The following GRB10 variants were observed in gnomAD, a reference collection of about 807,000 sequenced individuals.
GRB10 encodes the protein growth factor receptor bound protein 10.
GRB10 carries 20 observed loss-of-function variants against 80.9 expected under a neutral mutation model. That is an observed-to-expected ratio of 0.25 (90% CI 0.17 to 0.36). The LOEUF (loss-of-function observed/expected upper bound fraction) is 0.36, where lower values mean the gene tolerates loss of function less well. Ranked by LOEUF, GRB10 falls within the 10% of genes least tolerant of loss-of-function variation. GRB10 has a pLI of 1.00. For synonymous variants in GRB10, 291 were observed against 291.5 expected, an observed-to-expected ratio of 1.00 and a Z score of 0.02; for missense variants, 548 against 747.7, an observed-to-expected ratio of 0.73 and a Z score of 3.12.
intron 5 of GRB10, among the ~76,000 whole-genome samples, chr7:50,695,942 C>G (rs1392739884): frequency 6.6e-6 from 1 of 152,182 alleles, no homozygotes; most frequent in East Asian, 1.9e-4. Context: ...CTCTTATTTT[C>G]TCTTTCTACA....
intron 4 of GRB10, among the ~76,000 whole-genome samples, chr7:50,720,411 G>A (rs1563588258): frequency 6.6e-6 from 1 of 152,060 alleles, no homozygotes; most frequent in South Asian, 2.1e-4. Flanking sequence ...AAACTGGATC[G>A]CAAACCCTAC....
chr7:50,654,846 C>T (rs535073245), intron 7 of GRB10, among the ~76,000 whole-genome samples: 35 of 152,120 alleles, frequency 2.3e-4, no homozygotes, highest in Non-Finnish European at 4.1e-4. Context: ...CAAGAACACT[C>T]GCATAACTAC....
intron 7 of GRB10, among the ~76,000 whole-genome samples, chr7:50,656,705 G>A (rs1055597666): frequency 1.1e-4 from 17 of 152,208 alleles, no homozygotes; most frequent in African/African-American, 4.1e-4. Flanking sequence ...GTGCTACCAT[G>A]CGGTGCCTCT....
chr7:50,644,054 T>C (rs1324763964), intron 7 of GRB10, among the ~76,000 whole-genome samples: 2 of 152,208 alleles, frequency 1.3e-5, no homozygotes, highest in Non-Finnish European at 1.5e-5. Flanking sequence ...GGTTACATAG[T>C]GGAAAGCATG....
At chr7:50,768,083 T>A (rs1345481316) in intron 2 of GRB10, among the ~76,000 whole-genome samples, 3 of 151,976 alleles carry the variant, frequency 2.0e-5, no homozygotes, top group African/African-American at 7.3e-5. Flanking sequence ...CCCAGCTGGG[T>A]CCGCTCAAAC....
intron 5 of GRB10, among the ~76,000 whole-genome samples, chr7:50,680,497 CAA>C (rs1162952699): frequency 2.0e-5 from 3 of 152,174 alleles, no homozygotes; most frequent in Non-Finnish European, 4.4e-5. Flanking sequence ...GACACATCTG[CAA>C]AAGAGTCGTG....
intron 4 of GRB10, among the ~76,000 whole-genome samples, chr7:50,712,830 G>A (rs1187637150): frequency 2.0e-5 from 3 of 152,200 alleles, no homozygotes; most frequent in Non-Finnish European, 1.5e-5. Context: ...GCTCTATTGA[G>A]ATATAAATTA....
intron 7 of GRB10, among the ~76,000 whole-genome samples, chr7:50,636,450 C>A (rs1021086562): frequency 6.6e-6 from 1 of 152,158 alleles, no homozygotes; most frequent in Non-Finnish European, 1.5e-5. Flanking sequence ...AGGCCAATAT[C>A]CCTTATAAAA....
intron 2 of GRB10, among the ~76,000 whole-genome samples, chr7:50,757,941 C>T (rs1480312698): frequency 1.3e-5 from 2 of 152,188 alleles, no homozygotes; most frequent in South Asian, 2.1e-4. Context: ...CTCATGGGCA[C>T]GATAAATTAA....
chr7:50,674,615 T>C lies in GRB10; in HGVS notation c.183A>G (p.Ala61=). ...AGGCCGAGTACAGGCTCTCCAGGGA[T>C]GCATTCATATCGTTCACCAGGGCTT... ...DLEALVNDMN[A]SLESLYSACS... The change falls in exon 6 of 19, where the codon GCA becomes GCG. Residue 61 remains alanine, a synonymous_variant. Transcript: ENST00000401949. 6.2e-7 allele frequency: 1 copy of C among 1,613,886 alleles called. No individual in the cohort carries two copies. Among genetic ancestry groups the C allele is most frequent in the Non-Finnish European group, 8.5e-7 (1 of 1,180,048 alleles).
chr7:50,735,467 A>C (rs1057442038), intron 3 of GRB10, among the ~76,000 whole-genome samples: 1 of 152,154 alleles, frequency 6.6e-6, no homozygotes, highest in African/African-American at 2.4e-5. Context: ...GATCTTGTGA[A>C]GTTCTGTGAG....
intron 13 of GRB10, among the ~76,000 whole-genome samples, chr7:50,610,644 G>A (rs925766509): frequency 6.6e-6 from 1 of 152,180 alleles, no homozygotes; most frequent in African/African-American, 2.4e-5. Context: ...GGCAGCTACA[G>A]CTTGGGCCTC....
chr7:50,699,264 C>A (rs2063835227), intron 5 of GRB10, among the ~76,000 whole-genome samples: 1 of 152,176 alleles, frequency 6.6e-6, no homozygotes, highest in African/African-American at 2.4e-5. Flanking sequence ...TTAGTTTCTT[C>A]ATTTGCTTCT....
At chr7:50,687,423 C>A (rs1310984743) in intron 5 of GRB10, among the ~76,000 whole-genome samples, 1 of 152,228 alleles carries the variant, frequency 6.6e-6, no homozygotes, top group African/African-American at 2.4e-5. Flanking sequence ...TGCCTTGAAT[C>A]CTGCCTTGCC....
chr7:50,764,771 C>G (rs570775599), intron 2 of GRB10, among the ~76,000 whole-genome samples: 1 of 152,292 alleles, frequency 6.6e-6, no homozygotes, highest in East Asian at 1.9e-4. Context: ...ACAGCACTGA[C>G]AGAAGGCAAG....
intron 1 of GRB10, among the ~76,000 whole-genome samples, chr7:50,790,601 A>AT (rs1410722658): frequency 6.6e-6 from 1 of 152,254 alleles, no homozygotes; most frequent in African/African-American, 2.4e-5. Context: ...AATCCCCTGC[A>AT]TTTAGCTCTG....
At chr7:50,623,779 A>G (rs1342387068) in intron 8 of GRB10, among the ~76,000 whole-genome samples, 3 of 152,270 alleles carry the variant, frequency 2.0e-5, no homozygotes, top group Admixed American at 1.3e-4. Context: ...TACAGGTTGA[A>G]TATCCCTTAT....
At chr7:50,716,940 G>A (rs1310622937) in intron 4 of GRB10, among the ~76,000 whole-genome samples, 1 of 152,212 alleles carries the variant, frequency 6.6e-6, no homozygotes, top group Non-Finnish European at 1.5e-5. Context: ...AGGGGAGGGA[G>A]GAAGGAGCTC....
At chr7:50,681,891 C>A (rs1402474940) in intron 5 of GRB10, among the ~76,000 whole-genome samples, 1 of 152,216 alleles carries the variant, frequency 6.6e-6, no homozygotes, top group African/African-American at 2.4e-5. Context: ...TTTCACCAGC[C>A]AGGGCTGCCA....
Sources: allele counts gnomAD v4.1 joint callset (sites outside exome capture counted in the v4.1 genomes callset), GRCh38; gene constraint gnomAD v4.1.1; transcripts MANE v1.5; gene names NCBI Gene and HGNC (gene_info 2026-07-23, HGNC 2026-07-21).